The following RRAS2 variants were observed in gnomAD, a reference collection of about 807,000 sequenced individuals.
The protein encoded by RRAS2 is ras-related protein R-Ras2.
Under a neutral mutation model 27.6 loss-of-function variants are expected in RRAS2, and 7 were observed. That is an observed-to-expected ratio of 0.25 (90% CI 0.14 to 0.48). RRAS2 has a LOEUF of 0.48. Ranked by LOEUF, RRAS2 falls within the 20% of genes least tolerant of loss-of-function variation. The pLI, the probability that RRAS2 is intolerant of heterozygous loss-of-function variation, is 0.99. For missense variants in RRAS2, 178 were observed against 256.2 expected (o/e 0.69, Z 2.08); for synonymous variants, 86 against 90.9 (o/e 0.95, Z 0.31).
At position 14,359,002 on chromosome 11, in the gene RRAS2, C is replaced by G; in HGVS notation, c.-132G>C. 1 of 1,137,908 alleles carries G rather than the reference C, an allele frequency of 8.8e-7. No homozygotes were observed. The highest frequency in any genetic ancestry group is 1.1e-6 in the Non-Finnish European group (1 of 928,852). 70.5% of individuals were successfully genotyped at this position (1,137,908 alleles called of 1,614,324 possible). On this transcript the variant is annotated 5_prime_UTR_variant, in exon 1 of 6. Coordinates refer to ENST00000256196, the MANE Select transcript of RRAS2 (RefSeq NM_012250.6). ...GGCTGGGGTCCCGGGTACCGGGAGG[C>G]GTCTGGAGGGCCGGTCAGCGCGGTA...
intron 1 of RRAS2, among the ~76,000 whole-genome samples, chr11:14,323,180 C>T (rs1279106177): frequency 1.3e-5 from 2 of 152,144 alleles, no homozygotes; most frequent in African/African-American, 4.8e-5. Context: ...GGTACAGTGG[C>T]TCACACCTGT....
chr11:14,301,032 C>T (rs1847687572), intron 1 of RRAS2, among the ~76,000 whole-genome samples: 1 of 152,154 alleles, frequency 6.6e-6, no homozygotes. Flanking sequence ...TAAGGTACCA[C>T]TGGGGAGTTG....
intron 4 of RRAS2, among the ~76,000 whole-genome samples, chr11:14,282,090 C>G (rs548894896): frequency 2.0e-5 from 3 of 152,092 alleles, no homozygotes; most frequent in Non-Finnish European, 4.4e-5. Context: ...CAGAAGATAA[C>G]AGAGTATGGA....
chr11:14,313,381 T>C (rs1298534762), intron 1 of RRAS2, among the ~76,000 whole-genome samples: 2 of 152,234 alleles, frequency 1.3e-5, no homozygotes, highest in East Asian at 1.9e-4. Context: ...TCAGATTCTA[T>C]AGCTATTATT....
chr11:14,306,370 G>T (rs1393161091), intron 1 of RRAS2, among the ~76,000 whole-genome samples: 1 of 152,094 alleles, frequency 6.6e-6, no homozygotes, highest in Non-Finnish European at 1.5e-5. Flanking sequence ...ATCCCACTAT[G>T]TTGTCCAGGC....
intron 5 of RRAS2, among the ~76,000 whole-genome samples, chr11:14,280,732 A>C (rs1290963394): frequency 1.1e-4 from 2 of 18,960 alleles, no homozygotes; most frequent in South Asian, 6.6e-3. Context: ...TTTCCAAAAA[A>C]AAAAAAAAAA....
In RRAS2 at chr11:14,359,082, C is replaced by A. The variant is rs543550319; in HGVS notation, c.-212G>T. On this transcript the variant is annotated 5_prime_UTR_variant, in exon 1 of 6. Transcript: ENST00000256196. ...CCCGAGGCGCGGAGAAGCGGGGTGACGGCACGGGCCAGGGGCGGCAGCGGC... is the reference window on the plus strand; with the variant it reads ...CCCGAGGCGCGGAGAAGCGGGGTGAAGGCACGGGCCAGGGGCGGCAGCGGC... The A allele has an allele frequency of 9.2e-7, 1 of 1,083,664 alleles. No homozygotes were observed. Among genetic ancestry groups the A allele is most frequent in the Non-Finnish European group, 1.1e-6 (1 of 894,186 alleles). 67.1% of individuals were successfully genotyped at this position (1,083,664 alleles called of 1,614,324 possible). A position where few individuals can be genotyped will look rare whatever the true frequency, so the allele number is the denominator to read the frequency against.
chr11:14,320,716 T>G (rs1358976142), intron 1 of RRAS2, among the ~76,000 whole-genome samples: 2 of 152,238 alleles, frequency 1.3e-5, no homozygotes, highest in Non-Finnish European at 2.9e-5. Context: ...ACTATTAATT[T>G]ATTTTAAATA....
At chr11:14,292,042 G>A (rs1350386714) in intron 4 of RRAS2, among the ~76,000 whole-genome samples, 5 of 152,148 alleles carry the variant, frequency 3.3e-5, no homozygotes, top group Non-Finnish European at 5.9e-5. Flanking sequence ...CTTTCACTGT[G>A]ACATCACATG....
intron 1 of RRAS2, among the ~76,000 whole-genome samples, chr11:14,314,947 A>G (rs1414260867): frequency 3.3e-5 from 5 of 152,180 alleles, no homozygotes; most frequent in Non-Finnish European, 5.9e-5. Flanking sequence ...TCAGCCTCCC[A>G]AAGTGCTGGG....
intron 1 of RRAS2, among the ~76,000 whole-genome samples, chr11:14,342,336 G>A (rs1554953383): frequency 6.6e-6 from 1 of 152,158 alleles, no homozygotes; most frequent in Non-Finnish European, 1.5e-5. Flanking sequence ...CTTGCTACAG[G>A]ACCTTGGGCA....
At chr11:14,292,238 T>C (rs1847418442) in intron 4 of RRAS2, among the ~76,000 whole-genome samples, 1 of 152,148 alleles carries the variant, frequency 6.6e-6, no homozygotes, top group Non-Finnish European at 1.5e-5. Flanking sequence ...CTAGTGGGCA[T>C]ACACCCTCCT....
chr11:14,315,572 A>G (rs1460053928), intron 1 of RRAS2, among the ~76,000 whole-genome samples: 2 of 152,256 alleles, frequency 1.3e-5, no homozygotes, highest in Non-Finnish European at 2.9e-5. Context: ...AAACCTGAAT[A>G]AAGTATAGAC....
At chr11:14,336,396 G>A (rs782767265) in intron 1 of RRAS2, among the ~76,000 whole-genome samples, 3 of 151,764 alleles carry the variant, frequency 2.0e-5, no homozygotes, top group African/African-American at 7.3e-5. Context: ...AAAGACAATC[G>A]ACAGACACCA....
At chr11:14,342,124 T>TA (rs1325833975) in intron 1 of RRAS2, 2 of 226,810 alleles carry the variant, frequency 8.8e-6, no homozygotes, top group Non-Finnish European at 1.7e-5. Flanking sequence ...CCTCTCCTCC[T>TA]ACCCCACTGC....
At chr11:14,320,309 T>C (rs1292904809) in intron 1 of RRAS2, among the ~76,000 whole-genome samples, 2 of 152,262 alleles carry the variant, frequency 1.3e-5, no homozygotes, top group African/African-American at 4.8e-5. Context: ...TCCCAGGTTC[T>C]AACATCTTTT....
chr11:14,332,072 G>T (rs1390828311), intron 1 of RRAS2, among the ~76,000 whole-genome samples: 2 of 152,172 alleles, frequency 1.3e-5, no homozygotes, highest in African/African-American at 2.4e-5. Flanking sequence ...ATACCCAGTT[G>T]CTGGGAATGT....
upstream of RRAS2, among the ~76,000 whole-genome samples, chr11:14,361,200 T>C (rs1849187198): frequency 6.6e-6 from 1 of 152,078 alleles, no homozygotes; most frequent in South Asian, 2.1e-4. Flanking sequence ...GGTGGGAGAA[T>C]TGCTTGAACG....
At chr11:14,352,800 CA>C (rs1241773994) in intron 1 of RRAS2, among the ~76,000 whole-genome samples, 12 of 142,528 alleles carry the variant, frequency 8.4e-5, no homozygotes, top group Admixed American at 2.1e-4. Flanking sequence ...GAGAGAGAGA[CA>C]TTTTTTTTTT....
Sources: allele counts gnomAD v4.1 joint callset (sites outside exome capture counted in the v4.1 genomes callset), GRCh38; gene constraint gnomAD v4.1.1; transcripts MANE v1.5; gene names NCBI Gene and HGNC (gene_info 2026-07-23, HGNC 2026-07-21).